The following METAP1D variants were observed in gnomAD, a reference collection of about 807,000 sequenced individuals.
The protein encoded by METAP1D is methionine aminopeptidase 1D, mitochondrial.
A neutral mutation model predicts 40.5 loss-of-function variants in METAP1D; 31 were observed. The ratio of observed to expected loss-of-function variants is 0.77; its 90% CI spans 0.58 to 1.03. METAP1D has a LOEUF of 1.03. METAP1D is among the 50% of genes least tolerant of loss of function. The pLI is 0.00. For missense variants in METAP1D, 411 were observed against 420.7 expected (o/e 0.98, Z 0.20); for synonymous variants, 151 against 146.4 (o/e 1.03, Z -0.22).
chr2:172,061,390 C>A (rs979042264), intron 1 of METAP1D, 108 bp from the exon 2 acceptor site: 1 of 957,050 alleles, frequency 1.0e-6, no homozygotes. Flanking sequence ...CTTTTTCAGT[C>A]AATAAGGTAT....
At chr2:172,017,729 A>C (rs372684849) in intron 1 of METAP1D, among the ~76,000 whole-genome samples, 12 of 152,228 alleles carry the variant, frequency 7.9e-5, no homozygotes, top group African/African-American at 2.9e-4. Context: ...AGCTGTCATC[A>C]TATCAGAGGT....
At position 172,071,019 on chromosome 2, in the gene METAP1D, T is replaced by C. The variant is rs200008075; in HGVS notation, c.653T>C (p.Ile218Thr). The change falls in exon 6 of 10, where the codon ATT becomes ACT. Residue 218 changes from isoleucine (I) to threonine (T), a missense_variant. Ile to Thr is a moderately conservative substitution (Grantham distance 89). Coordinates refer to ENST00000315796, the MANE Select transcript of METAP1D (RefSeq NM_199227.3). ...EVARRCRDEA[I>T]AACRAGAPFS... ...GCCAGGAGGTGTAGAGATGAAGCAA[T>C]TGCAGCTTGCAGAGCAGGGGCTCCC... 5.8e-4 allele frequency: 929 copies of C among 1,613,036 alleles called. 3 individuals carry two copies. Among genetic ancestry groups the C allele is most frequent in the Non-Finnish European group, 2.8e-4 (332 of 1,179,318 alleles).
At chr2:172,035,290 G>A (rs1371489957) in intron 1 of METAP1D, among the ~76,000 whole-genome samples, 9 of 151,838 alleles carry the variant, frequency 5.9e-5, no homozygotes, top group East Asian at 1.9e-4. Context: ...TCAGCCTCCC[G>A]AGTAGCTGGG....
At chr2:172,067,034 C>A (rs1690301289) in intron 5 of METAP1D, among the ~76,000 whole-genome samples, 1 of 152,154 alleles carries the variant, frequency 6.6e-6, no homozygotes, top group Non-Finnish European at 1.5e-5. Context: ...AGCTTTTTCT[C>A]ATTTTCTTAG....
chr2:172,071,559 C>T (rs535472893), intron 6 of METAP1D, among the ~76,000 whole-genome samples: 68 of 152,222 alleles, frequency 4.5e-4, no homozygotes, highest in African/African-American at 1.1e-3. Context: ...TAGCCTGAAA[C>T]GGTGATCTTC....
intron 1 of METAP1D, among the ~76,000 whole-genome samples, chr2:172,041,045 C>A (rs1245187980): frequency 6.6e-6 from 1 of 151,356 alleles, no homozygotes; most frequent in African/African-American, 2.4e-5. Context: ...GGATTACAGG[C>A]GTGAGCCACC....
At chr2:172,008,436 T>C (rs929179709) in intron 1 of METAP1D, among the ~76,000 whole-genome samples, 2 of 152,236 alleles carry the variant, frequency 1.3e-5, no homozygotes. Context: ...TGGTTTGTTC[T>C]CCTTATTTAT....
At chr2:172,036,319 G>GAAAA (rs34486471) in intron 1 of METAP1D, among the ~76,000 whole-genome samples, 3 of 132,538 alleles carry the variant, frequency 2.3e-5, no homozygotes, top group Non-Finnish European at 3.2e-5. Context: ...TCTGTCTCAA[G>GAAAA]AAAAAAAAAA....
chr2:172,019,901 CATATGGATTTGA>C (rs1301656766), intron 1 of METAP1D, among the ~76,000 whole-genome samples: 143 of 152,242 alleles, frequency 9.4e-4, no homozygotes, highest in African/African-American at 3.2e-3. Context: ...GTTACTTGAA[CATATGGATTTGA>C]GTCAGTAGGT....
rs944687940 is a variant in METAP1D at position 172,040,053 on chromosome 2, G to A, written c.41-21445G>A. Among the ~76,000 whole-genome samples, 4 of 150,942 alleles carry A rather than the reference G, an allele frequency of 2.7e-5. No homozygotes were observed. The South Asian group carries it at 6.3e-4, about 24-fold the overall frequency. ...AGGCTGGAGTGCAACTGCCTGCCGG[G>A]TTCAAGCGATTCTTCTGCCTCAGCC... On this transcript the variant is annotated intron_variant, in intron 1 of 9. Coordinates refer to ENST00000315796, the MANE Select transcript of METAP1D (RefSeq NM_199227.3).
In METAP1D at chr2:172,081,027, T is replaced by C. The variant is rs1311964920; in HGVS notation, c.*621T>C. Reference sequence around the variant, plus strand: ...GAGGCATTGATTACAAACATGTCCTTGGCAGTGGACTCTGGGCCTGGCCAT... The same window carrying C: ...GAGGCATTGATTACAAACATGTCCTCGGCAGTGGACTCTGGGCCTGGCCAT... On this transcript the variant is annotated 3_prime_UTR_variant, in exon 10 of 10. Coordinates refer to ENST00000315796, the MANE Select transcript of METAP1D (RefSeq NM_199227.3). 6.4e-6 allele frequency: 1 copy of C among 156,340 alleles called. No individual in the cohort carries two copies. Among genetic ancestry groups the C allele is most frequent in the East Asian group, 1.9e-4 (1 of 5,242 alleles). 9.7% of individuals were successfully genotyped at this position (156,340 alleles called of 1,614,324 possible).
At chr2:172,071,702 C>G (rs1229229672) in intron 6 of METAP1D, among the ~76,000 whole-genome samples, 1 of 151,990 alleles carries the variant, frequency 6.6e-6, no homozygotes, top group African/African-American at 2.4e-5. Context: ...AATCTGTTAC[C>G]TACTTTTAGG....
chr2:172,012,703 C>T (rs1380883964), intron 1 of METAP1D, among the ~76,000 whole-genome samples: 1 of 152,146 alleles, frequency 6.6e-6, no homozygotes, highest in Non-Finnish European at 1.5e-5. Context: ...CTGCTTTAAT[C>T]ATTAGAATGC....
intron 3 of METAP1D, 136 bp downstream of exon 3, chr2:172,063,996 T>G (rs1414032216): frequency 8.7e-7 from 1 of 1,147,494 alleles, no homozygotes; most frequent in Admixed American, 3.9e-5. Context: ...ATTAATTTGT[T>G]TTTAAAAATT....
intron 5 of METAP1D, among the ~76,000 whole-genome samples, chr2:172,068,916 T>C (rs1387487416): frequency 7.9e-5 from 12 of 152,152 alleles, no homozygotes; most frequent in African/African-American, 2.9e-4. Flanking sequence ...CTTTGTTTCC[T>C]TTTCTTTTTT....
chr2:172,041,196 C>G (rs1287640996), intron 1 of METAP1D, among the ~76,000 whole-genome samples: 1 of 151,998 alleles, frequency 6.6e-6, no homozygotes, highest in Non-Finnish European at 1.5e-5. Flanking sequence ...TGCGGTGGCT[C>G]ATTCCTGTAA....
intron 6 of METAP1D, among the ~76,000 whole-genome samples, chr2:172,074,385 C>A (rs1292556545): frequency 6.6e-6 from 1 of 152,090 alleles, no homozygotes; most frequent in East Asian, 1.9e-4. Context: ...CAATAAGTGG[C>A]TCAGGCAAAA....
At chr2:172,013,638 A>G (rs1688781714) in intron 1 of METAP1D, among the ~76,000 whole-genome samples, 1 of 152,040 alleles carries the variant, frequency 6.6e-6, no homozygotes, top group Non-Finnish European at 1.5e-5. Flanking sequence ...TGGTCACTGA[A>G]ATGAGGAACA....
chr2:172,022,105 A>C (rs1050296277), intron 1 of METAP1D, among the ~76,000 whole-genome samples: 3 of 152,094 alleles, frequency 2.0e-5, no homozygotes, highest in Non-Finnish European at 4.4e-5. Flanking sequence ...TATTTCATCA[A>C]ATTTAGACAT....
Sources: allele counts gnomAD v4.1 joint callset (sites outside exome capture counted in the v4.1 genomes callset), GRCh38; gene constraint gnomAD v4.1.1; transcripts MANE v1.5; gene names NCBI Gene and HGNC (gene_info 2026-07-23, HGNC 2026-07-21).